The following PFKFB2 variants were observed in gnomAD, a reference collection of about 807,000 sequenced individuals.
The protein encoded by PFKFB2 is 6-phosphofructo-2-kinase/fructose-2,6-bisphosphatase 2.
Under a neutral mutation model 68.0 loss-of-function variants are expected in PFKFB2, and 53 were observed. The observed-to-expected ratio is 0.78, with a 90% CI of 0.63 to 0.98. PFKFB2 has a LOEUF of 0.98. Ranked by LOEUF, PFKFB2 falls within the 50% of genes least tolerant of loss-of-function variation. PFKFB2 has a pLI of 0.00. For synonymous variants in PFKFB2, 222 were observed against 227.6 expected (o/e 0.98, Z 0.22); for missense variants, 451 against 642.0 (o/e 0.70, Z 3.22).
intron 9 of PFKFB2, 100 bp from the exon 10 acceptor site, chr1:207,068,063 C>A: frequency 1.8e-6 from 2 of 1,092,108 alleles, no homozygotes; most frequent in East Asian, 2.4e-5. Context: ...CCTTACAGAC[C>A]AAGTTAGCAG....
chr1:207,067,350 AC>A, intron 8 of PFKFB2, 148 bp from the exon 9 acceptor site: 1 of 613,494 alleles, frequency 1.6e-6, no homozygotes, highest in Admixed American at 2.9e-5. Context: ...TTAATCTCCT[AC>A]CATTTGGTTC....
chr1:207,042,574 A>AAAAAAAC, intron 2 of PFKFB2, among the ~76,000 whole-genome samples: 1 of 141,954 alleles, frequency 7.0e-6, no homozygotes, highest in African/African-American at 2.6e-5. Context: ...AAAAAAAAAA[A>AAAAAAAC]AAAAAAAGAC....
At position 207,063,544 on chromosome 1, in the gene PFKFB2, A is replaced by C. The variant is rs1683181017; in HGVS notation, c.450+123A>C. On this transcript the variant is annotated intron_variant, in intron 6 of 14. Coordinates refer to ENST00000367080, the MANE Select transcript of PFKFB2 (RefSeq NM_006212.2). This position sits in a 1 kb window ranked among gnomAD's most constrained non-coding sequence, Gnocchi z 4.1. The stretch of plus-strand genomic sequence containing the variant: ...GGGATATCTGAATCTCTTCTCTCAG[A>C]GCATTCCCCCAGTCCTTGAGTGTTT... 5.2e-6 allele frequency: 4 copies of C among 773,354 alleles called. No individual in the cohort carries two copies. The highest frequency in any genetic ancestry group is 2.0e-5 in the Admixed American group (1 of 49,734). 47.9% of individuals were successfully genotyped at this position (773,354 alleles called of 1,614,324 possible). A position where few individuals can be genotyped will look rare whatever the true frequency, so the allele number is the denominator to read the frequency against.
intron 11 of PFKFB2, 42 bp downstream of exon 11, chr1:207,069,570 G>C: frequency 7.9e-7 from 1 of 1,263,032 alleles, no homozygotes; most frequent in Non-Finnish European, 1.2e-6. Context: ...CTAGACCCTT[G>C]CTGAGTGTTT....
At position 207,077,000 on chromosome 1, in the gene PFKFB2, A is replaced by G. The variant is rs1683645692; in HGVS notation, c.*4629A>G. On this transcript the variant is annotated 3_prime_UTR_variant, in exon 15 of 15. Transcript: ENST00000367080. ...TTCTGTACACTATGATTTTAAATAG[A>G]TATTTCTTATATAGTAGTGGCCAAA... 9 of 978,978 alleles carry G rather than the reference A, an allele frequency of 9.2e-6. No individual in the cohort carries two copies. Among genetic ancestry groups the G allele is most frequent in the Admixed American group, 6.2e-5 (1 of 16,254 alleles). The allele number at this position is 978,978 out of a possible 1,614,324, so 60.6% of individuals were successfully genotyped here.
chr1:207,071,121 C>T, intron 12 of PFKFB2, 67 bp from the exon 13 acceptor site: 15 of 1,242,512 alleles, frequency 1.2e-5, no homozygotes, highest in Non-Finnish European at 1.8e-5. Flanking sequence ...TAGATTCTTT[C>T]TTCCACTAAC....
chr1:207,059,182 T>A (rs1366923647), intron 2 of PFKFB2, among the ~76,000 whole-genome samples: 1 of 152,204 alleles, frequency 6.6e-6, no homozygotes, highest in East Asian at 1.9e-4. Flanking sequence ...GTTGTTGTTG[T>A]TCTTAGCATT....
rs115843166 is a variant in PFKFB2 at position 207,043,421 on chromosome 1, C to T, written c.-18+1209C>T. Among the ~76,000 whole-genome samples the T allele has an allele frequency of 4.0e-3, 611 of 152,216 alleles. 5 individuals carry two copies. Among genetic ancestry groups the T allele is most frequent in the Non-Finnish European group, 6.6e-3 (450 of 67,996 alleles). On this transcript the variant is annotated intron_variant, in intron 2 of 5. Transcript: ENST00000545806. ...TTTAGTTAGGGAACCTGAACTCTGGCCAATTGTAATAGCCACAGGGTTGCT... is the reference window on the plus strand; with the variant it reads ...TTTAGTTAGGGAACCTGAACTCTGGTCAATTGTAATAGCCACAGGGTTGCT...
intron 13 of PFKFB2, 72 bp downstream of exon 13, chr1:207,071,322 A>G (rs1683459560): frequency 2.2e-6 from 3 of 1,355,174 alleles, no homozygotes; most frequent in South Asian, 2.3e-5. Flanking sequence ...AAGTTTGTCT[A>G]GAGTTCAGCT....
chr1:207,041,015 G>A (rs1200823868), intron 1 of PFKFB2, among the ~76,000 whole-genome samples: 5 of 138,660 alleles, frequency 3.6e-5, no homozygotes, highest in East Asian at 2.1e-4. Context: ...TGCAAGCTCC[G>A]CCTCCCAGGT....
At position 207,076,892 on chromosome 1, in the gene PFKFB2, T is replaced by C; in HGVS notation, c.*4521T>C. 2.0e-6 allele frequency: 2 copies of C among 984,024 alleles called. No homozygotes were observed. Among genetic ancestry groups the C allele is most frequent in the Non-Finnish European group, 2.4e-6 (2 of 828,652 alleles). The allele number at this position is 984,024 out of a possible 1,614,324, so 61.0% of individuals were successfully genotyped here. A position where few individuals can be genotyped will look rare whatever the true frequency, so the allele number is the denominator to read the frequency against. ...CTGATTGTATCCATTGAAGTGTATGTACATTATGGTAATTCTCTGTCTATT... is the reference window on the plus strand; with the variant it reads ...CTGATTGTATCCATTGAAGTGTATGCACATTATGGTAATTCTCTGTCTATT... On this transcript the variant is annotated 3_prime_UTR_variant, in exon 15 of 15. Coordinates refer to ENST00000367080, the MANE Select transcript of PFKFB2 (RefSeq NM_006212.2).
Position 207,054,782 on chromosome 1 carries a change from G to A in PFKFB2, c.65G>A (p.Arg22Gln), listed in dbSNP as rs541295353. 23 of 1,612,862 alleles carry A rather than the reference G, an allele frequency of 1.4e-5. No individual in the cohort carries two copies. Among genetic ancestry groups the A allele is most frequent in the Admixed American group, 5.0e-5 (3 of 59,940 alleles). The change falls in exon 2 of 15, where the codon CGA becomes CAA. Residue 22 changes from arginine (R) to glutamine (Q), a missense_variant. Arg to Gln is a conservative substitution (Grantham distance 43, BLOSUM62 1). Coordinates refer to ENST00000367080, the MANE Select transcript of PFKFB2 (RefSeq NM_006212.2). ...TATGAAACCAAAACCCCAAATCTTCGAATGTCAGAGAAGAAATGTTGTGAG... is the reference window on the plus strand; with the variant it reads ...TATGAAACCAAAACCCCAAATCTTCAAATGTCAGAGAAGAAATGTTGTGAG... ...NSYETKTPNLRMSEKKCSWAS... is the reference protein window; with the variant it reads ...NSYETKTPNLQMSEKKCSWAS...
intron 10 of PFKFB2, among the ~76,000 whole-genome samples, chr1:207,068,808 C>T (rs1345737673): frequency 2.0e-5 from 3 of 150,756 alleles, no homozygotes; most frequent in African/African-American, 2.5e-5. Context: ...AGTGCAGTGG[C>T]GTGATCCTGG....
At chr1:207,038,546 T>A (rs1295419979) in intron 1 of PFKFB2, among the ~76,000 whole-genome samples, 1 of 152,228 alleles carries the variant, frequency 6.6e-6, no homozygotes, top group Non-Finnish European at 1.5e-5. Context: ...CTATTTGAAA[T>A]GATTTTATTT....
At chr1:207,055,883 G>C (rs2842746) in intron 2 of PFKFB2, among the ~76,000 whole-genome samples, 2 of 152,212 alleles carry the variant, frequency 1.3e-5, no homozygotes, top group Admixed American at 6.5e-5. Flanking sequence ...GGTTGGCAGA[G>C]TTAGGGTCTA....
intron 2 of PFKFB2, 115 bp downstream of exon 2, chr1:207,054,917 A>C (rs1312964125): frequency 2.8e-6 from 2 of 724,916 alleles, no homozygotes; most frequent in African/African-American, 3.6e-5. Context: ...TTTGACATGG[A>C]AATTTAATGC....
chr1:207,037,628 AATACTTCCCCCC>A, intron 1 of PFKFB2, among the ~76,000 whole-genome samples: 1 of 152,130 alleles, frequency 6.6e-6, no homozygotes, highest in East Asian at 1.9e-4. Flanking sequence ...ATTCTCTCCA[AATACTTCCCCCC>A]TTCATCTTCC....
Position 207,068,276 on chromosome 1 carries a change from T to A in PFKFB2, c.954T>A (p.Tyr318Ter), listed in dbSNP as rs1683362296. 2 of 1,605,010 alleles carry A rather than the reference T, an allele frequency of 1.2e-6. No individual in the cohort carries two copies. The highest frequency in any genetic ancestry group is 8.5e-7 in the Non-Finnish European group (1 of 1,176,154). The change falls in exon 10 of 15, where the codon TAT becomes TAA. Residue 318 changes from tyrosine to a stop codon, truncating the protein, a stop_gained. Transcript: ENST00000367080. LOFTEE classifies it high-confidence loss of function. ...IQTAESLGVP[Y>*]EQWKILNEID... ...CTGCTGAATCTCTCGGGGTGCCCTA[T>A]GAGCAGTGGAAGATTCTGAATGAGA...
Position 207,077,057 on chromosome 1 carries a change from G to A in PFKFB2, c.*4686G>A. 2 of 984,716 alleles carry A rather than the reference G, an allele frequency of 2.0e-6. No individual in the cohort carries two copies. The highest frequency in any genetic ancestry group is 2.4e-6 in the Non-Finnish European group (2 of 829,296). The allele number at this position is 984,716 out of a possible 1,614,324, so 61.0% of individuals were successfully genotyped here. On this transcript the variant is annotated 3_prime_UTR_variant, in exon 15 of 15. Coordinates refer to ENST00000367080, the MANE Select transcript of PFKFB2 (RefSeq NM_006212.2). The stretch of plus-strand genomic sequence containing the variant: ...TTATTTTGTACAAGATAAAGGTTAT[G>A]CATCACTTTTATGGTATTTTGTGAA...
Sources: gnomAD v4.1 joint callset for allele counts (sites outside exome capture counted in the v4.1 genomes callset) on GRCh38, gnomAD v4.1.1 for gene constraint, Gnocchi (gnomAD v3.1) non-coding constraint, MANE v1.5 for transcripts, NCBI Gene and HGNC (gene_info 2026-07-23, HGNC 2026-07-21) for gene names.